SENP7: variants seen among roughly 807,000 people sequenced by gnomAD.
SENP7 encodes the protein SUMO specific peptidase 7.
Under a neutral mutation model 141.2 loss-of-function variants are expected in SENP7, and 64 were observed. The ratio of observed to expected loss-of-function variants is 0.45; its 90% CI spans 0.37 to 0.56. The LOEUF (loss-of-function observed/expected upper bound fraction) is 0.56, where lower values mean the gene tolerates loss of function less well. Among genes scored for constraint, SENP7 ranks in the 20% least tolerant of loss-of-function variants. SENP7 has a pLI of 0.00. For missense variants in SENP7, 1,025 were observed against 1,212.2 expected (o/e 0.85, Z 2.29); for synonymous variants, 382 against 426.4 (o/e 0.90, Z 1.28).
chr3:101,486,981 C>A (rs2064756745), intron 3 of SENP7, among the ~76,000 whole-genome samples: 1 of 152,074 alleles, frequency 6.6e-6, no homozygotes, highest in South Asian at 2.1e-4. Context: ...TTATATGAGA[C>A]AAAACAAATT....
At chr3:101,508,477 T>C (rs187982227) in intron 1 of SENP7, among the ~76,000 whole-genome samples, 28 of 152,164 alleles carry the variant, frequency 1.8e-4, no homozygotes, top group African/African-American at 5.8e-4. Context: ...CGGGCTCCTG[T>C]AGTCCCAGCT....
At chr3:101,413,116 T>C (rs1377429105) in intron 5 of SENP7, among the ~76,000 whole-genome samples, 1 of 151,880 alleles carries the variant, frequency 6.6e-6, no homozygotes, top group East Asian at 1.9e-4. Context: ...ACTGAATGAG[T>C]AATTTCAGTT....
chr3:101,413,135 G>A (rs1344855211), intron 5 of SENP7, among the ~76,000 whole-genome samples: 1 of 152,054 alleles, frequency 6.6e-6, no homozygotes, highest in Non-Finnish European at 1.5e-5. Flanking sequence ...TTTACTCAAT[G>A]ATTAAACTTT....
At chr3:101,390,219 C>CA (rs563281627) in intron 6 of SENP7, among the ~76,000 whole-genome samples, 4,399 of 71,882 alleles carry the variant, frequency 0.061, 160 homozygotes, top group African/African-American at 0.12. Flanking sequence ...GACTCTGTCT[C>CA]AAAAAAAAAA....
chr3:101,382,684 T>C (rs549914901), intron 6 of SENP7, among the ~76,000 whole-genome samples: 2 of 152,306 alleles, frequency 1.3e-5, no homozygotes, highest in South Asian at 4.1e-4. Flanking sequence ...GAACTTCAAT[T>C]AGGAAAGTAA....
intron 6 of SENP7, among the ~76,000 whole-genome samples, chr3:101,385,705 G>A (rs907227704): frequency 2.2e-4 from 34 of 152,146 alleles, no homozygotes; most frequent in Non-Finnish European, 2.9e-4. Context: ...CAAACTCAGA[G>A]CAAAGGCAGC....
chr3:101,389,711 T>C (rs114261781), intron 6 of SENP7, among the ~76,000 whole-genome samples: 153 of 151,680 alleles, frequency 1.0e-3, no homozygotes, highest in Non-Finnish European at 2.0e-3. Flanking sequence ...TACCTAAAAG[T>C]ACAAAACTAA....
intron 4 of SENP7, among the ~76,000 whole-genome samples, chr3:101,419,465 G>C (rs185984761): frequency 2.6e-4 from 39 of 152,292 alleles, no homozygotes; most frequent in Admixed American, 1.8e-3. Context: ...TTAATTTACG[G>C]AGATGATGAC....
chr3:101,423,690 T>C (rs951760676), intron 4 of SENP7, among the ~76,000 whole-genome samples: 2 of 151,758 alleles, frequency 1.3e-5, no homozygotes, highest in Non-Finnish European at 2.9e-5. Context: ...AGAGACTGGA[T>C]GGAGGGAAGA....
chr3:101,340,294 G>A (rs1559688742), intron 15 of SENP7, 83 bp from the exon 16 acceptor site: 3 of 1,444,506 alleles, frequency 2.1e-6, no homozygotes, highest in African/African-American at 1.5e-5. Context: ...ACAATAACTG[G>A]GCAGTGGTAT....
intron 5 of SENP7, among the ~76,000 whole-genome samples, chr3:101,404,826 CACA>C (rs1052792920): frequency 6.6e-6 from 1 of 152,118 alleles, no homozygotes; most frequent in Admixed American, 6.5e-5. Context: ...ATTTTAAAAG[CACA>C]ACATCACTGA....
chr3:101,355,832 C>T (rs1046456771), intron 11 of SENP7, among the ~76,000 whole-genome samples: 3 of 152,158 alleles, frequency 2.0e-5, no homozygotes, highest in African/African-American at 7.2e-5. Flanking sequence ...TTGATTCTTC[C>T]TATCCATGAA....
At chr3:101,406,765 G>C (rs1174836034) in intron 5 of SENP7, among the ~76,000 whole-genome samples, 1 of 152,118 alleles carries the variant, frequency 6.6e-6, no homozygotes, top group Non-Finnish European at 1.5e-5. Context: ...TAGTCACATT[G>C]TCATCAGGTT....
chr3:101,371,734 T>A (rs1041864996), intron 7 of SENP7, among the ~76,000 whole-genome samples: 32 of 151,986 alleles, frequency 2.1e-4, no homozygotes, highest in African/African-American at 7.7e-4. Flanking sequence ...TAGAAACAGC[T>A]AAATGAACAT....
At chr3:101,340,388 T>A in intron 15 of SENP7, 177 bp from the exon 16 acceptor site, 2 of 718,724 alleles carry the variant, frequency 2.8e-6, no homozygotes, top group Non-Finnish European at 4.3e-6. Flanking sequence ...CACAAGCTAC[T>A]AATGGTACTC....
chr3:101,396,403 T>C (rs2060969172), intron 6 of SENP7, among the ~76,000 whole-genome samples: 1 of 152,178 alleles, frequency 6.6e-6, no homozygotes, highest in South Asian at 2.1e-4. Flanking sequence ...ATCATCTGAG[T>C]TCCATGGGCA....
At chr3:101,471,762 G>T (rs1185357099) in intron 3 of SENP7, among the ~76,000 whole-genome samples, 1 of 152,128 alleles carries the variant, frequency 6.6e-6, no homozygotes, top group African/African-American at 2.4e-5. Context: ...ATCTGACACA[G>T]GGCTAATATC....
intron 12 of SENP7, among the ~76,000 whole-genome samples, chr3:101,348,263 A>T (rs1167899470): frequency 6.6e-6 from 1 of 152,206 alleles, no homozygotes; most frequent in Non-Finnish European, 1.5e-5. Context: ...CATTACAATT[A>T]GGAAGGGCTA....
chr3:101,465,948 C>T (rs973903992), intron 3 of SENP7, among the ~76,000 whole-genome samples: 1 of 151,942 alleles, frequency 6.6e-6, no homozygotes, highest in African/African-American at 2.4e-5. Context: ...AGATTGATAT[C>T]ATTTAAAACG....
Sources: allele counts gnomAD v4.1 joint callset (sites outside exome capture counted in the v4.1 genomes callset), GRCh38; gene constraint gnomAD v4.1.1; transcripts MANE v1.5; gene names NCBI Gene and HGNC (gene_info 2026-07-23, HGNC 2026-07-21).